FARP2: variants seen among roughly 807,000 people sequenced by gnomAD.
FARP2 encodes the protein FERM, ARH/RhoGEF and pleckstrin domain protein 2.
FARP2 carries 111 observed loss-of-function variants against 130.5 expected under a neutral mutation model. That is an observed-to-expected ratio of 0.85 (90% CI 0.73 to 1.00). The LOEUF is 1.00. Ranked by LOEUF, FARP2 falls within the 50% of genes least tolerant of loss-of-function variation. The pLI, the probability that FARP2 is intolerant of heterozygous loss-of-function variation, is 0.00. For missense variants in FARP2, 1,385 were observed against 1,346.3 expected, an observed-to-expected ratio of 1.03 and a Z score of -0.45; for synonymous variants, 504 against 516.9, an observed-to-expected ratio of 0.98 and a Z score of 0.34.
At position 241,397,223 on chromosome 2, in the gene FARP2, T is replaced by C. The variant is rs182881725; in HGVS notation, c.184-6605T>C. ...GGAGGAGGGATAGCATTAGGAGATA[T>C]ACCTAGTGCTAAATGACGAGTTGAT... On this transcript the variant is annotated intron_variant, in intron 2 of 26. Transcript: ENST00000264042. Among the ~76,000 whole-genome samples, 99 of 152,242 alleles carry C rather than the reference T, an allele frequency of 6.5e-4. No homozygotes were observed. The Middle Eastern group carries it at 0.014, about 21-fold the overall frequency.
intron 1 of FARP2, among the ~76,000 whole-genome samples, chr2:241,356,752 C>T (rs2061077567): frequency 6.6e-6 from 1 of 151,776 alleles, no homozygotes; most frequent in African/African-American, 2.4e-5. Context: ...CCGTGGAGGC[C>T]GGCAGGGCCG....
intron 21 of FARP2, chr2:241,489,752 T>G (rs1185731193): frequency 9.8e-6 from 5 of 510,462 alleles, no homozygotes; most frequent in Non-Finnish European, 1.8e-5. Flanking sequence ...GGGTGCCCTC[T>G]GGCCCATGGC....
chr2:241,429,940 T>C (rs1002258515), intron 8 of FARP2, among the ~76,000 whole-genome samples: 7 of 152,186 alleles, frequency 4.6e-5, no homozygotes, highest in African/African-American at 1.7e-4. Flanking sequence ...ACTAAGTATT[T>C]TGTGGAGCGA....
rs192338715 is a variant in FARP2, at chr2:241,407,012, G to A, written c.332-525G>A. On this transcript the variant is annotated intron_variant, in intron 4 of 26. Transcript: ENST00000264042. ...TTTAATAGAGACGGGGTTTCACTGT[G>A]TTGGCCAGGATGGTCTCGATCTCCT... Among the ~76,000 whole-genome samples, 605 of 151,494 alleles carry A rather than the reference G, an allele frequency of 4.0e-3. 14 individuals carry two copies. The South Asian group carries it at 0.042, about 10-fold the overall frequency.
chr2:241,457,122 A>T (rs1008633751), intron 14 of FARP2, among the ~76,000 whole-genome samples, 200 bp downstream of exon 14: 6 of 152,146 alleles, frequency 3.9e-5, no homozygotes, highest in African/African-American at 1.4e-4. Context: ...CTTTCCTCTT[A>T]TCTCTGGGAC....
Position 241,483,548 on chromosome 2 carries a change from C to A in FARP2, c.2331+15C>A, listed in dbSNP as rs752793433. 1 of 1,612,440 alleles carries A rather than the reference C, an allele frequency of 6.2e-7. No individual in the cohort carries two copies. Among genetic ancestry groups the A allele is most frequent in the Non-Finnish European group, 8.5e-7 (1 of 1,178,424 alleles). On this transcript the variant is annotated intron_variant, in intron 20 of 26. Transcript: ENST00000264042. ...TGTTTTTTCTGGTAGGTTCTCTCCC[C>A]ACTCAAGCTGTGCTTCCCCCCGAGG...
chr2:241,434,805 C>T (rs970648320), intron 10 of FARP2, among the ~76,000 whole-genome samples, 157 bp from the exon 11 acceptor site: 13 of 152,162 alleles, frequency 8.5e-5, no homozygotes, highest in Non-Finnish European at 1.8e-4. Flanking sequence ...CACTGCACTC[C>T]ACCCTGGGCA....
intron 2 of FARP2, among the ~76,000 whole-genome samples, chr2:241,389,653 A>C (rs1444282717): frequency 3.3e-5 from 5 of 152,252 alleles, no homozygotes; most frequent in African/African-American, 1.2e-4. Flanking sequence ...ACTTTCTTTG[A>C]ATAACAGTTG....
At chr2:241,398,214 T>C (rs903136160) in intron 2 of FARP2, among the ~76,000 whole-genome samples, 5 of 152,170 alleles carry the variant, frequency 3.3e-5, no homozygotes, top group Non-Finnish European at 7.3e-5. Flanking sequence ...CTTGATAATT[T>C]TTCATATGTA....
At chr2:241,366,445 C>T (rs1055266261) in intron 1 of FARP2, among the ~76,000 whole-genome samples, 8 of 151,520 alleles carry the variant, frequency 5.3e-5, no homozygotes, top group African/African-American at 1.9e-4. Context: ...ATAATACATC[C>T]GTTTAGTGTT....
At chr2:241,434,800 C>T (rs35614125) in intron 10 of FARP2, among the ~76,000 whole-genome samples, 162 bp from the exon 11 acceptor site, 28,857 of 152,134 alleles carry the variant, frequency 0.19, 3,084 homozygotes, top group Middle Eastern at 0.35. Flanking sequence ...CACGCCACTG[C>T]ACTCCACCCT....
chr2:241,429,642 C>A (rs148226743), intron 8 of FARP2, among the ~76,000 whole-genome samples: 2 of 152,200 alleles, frequency 1.3e-5, no homozygotes, highest in African/African-American at 2.4e-5. Context: ...ATAGTCCCAA[C>A]AGAGGCTGAA....
intron 8 of FARP2, among the ~76,000 whole-genome samples, chr2:241,430,506 G>A (rs938277716): frequency 6.6e-6 from 1 of 152,028 alleles, no homozygotes; most frequent in Non-Finnish European, 1.5e-5. Context: ...ATCTGTGTCT[G>A]TATCTGCTGA....
Position 241,432,511 on chromosome 2 carries a change from C to T in FARP2, c.867+737C>T, listed in dbSNP as rs960148661. On this transcript the variant is annotated intron_variant, in intron 9 of 26. Transcript: ENST00000264042. ...TCTGAAGCCCTACAGCAGCTGAGAG[C>T]TTCAGAATGAACTGAGGAGTATCCC... 2.0e-5 allele frequency among the ~76,000 whole-genome samples: 3 copies of T among 152,318 alleles called. No individual in the cohort carries two copies. The East Asian group carries it at 5.8e-4, about 29-fold the overall frequency.
intron 21 of FARP2, chr2:241,488,785 G>A (rs986426909): frequency 6.6e-6 from 1 of 152,100 alleles, no homozygotes; most frequent in Non-Finnish European, 1.5e-5. Flanking sequence ...ACTGATCTCA[G>A]ACTTTATCAA....
At chr2:241,490,940 C>A in intron 22 of FARP2, 121 bp from the exon 23 acceptor site, 1 of 760,294 alleles carries the variant, frequency 1.3e-6, no homozygotes, top group Non-Finnish European at 2.3e-6. Flanking sequence ...CCAGTCCTCT[C>A]ACCAGGCAGG....
intron 26 of FARP2, 104 bp downstream of exon 26, chr2:241,493,548 G>C: frequency 9.3e-7 from 1 of 1,075,868 alleles, no homozygotes; most frequent in South Asian, 1.4e-5. Context: ...GCCCTGGAAA[G>C]GAAGGGCTGA....
intron 8 of FARP2, 48 bp from the exon 9 acceptor site, chr2:241,431,631 G>A: frequency 2.2e-6 from 2 of 912,594 alleles, no homozygotes; most frequent in Non-Finnish European, 3.6e-6. Context: ...ATGAGAAAGG[G>A]GTTATGTGCC....
chr2:241,471,206 C>T (rs62190410), intron 18 of FARP2: 17,183 of 145,640 alleles, frequency 0.12, 1,237 homozygotes, highest in Non-Finnish European at 0.16. Flanking sequence ...CCTGTTATAA[C>T]GGGATACTGT....
Sources: gnomAD v4.1 joint callset for allele counts (sites outside exome capture counted in the v4.1 genomes callset) on GRCh38, gnomAD v4.1.1 for gene constraint, MANE v1.5 for transcripts, NCBI Gene and HGNC (gene_info 2026-07-23, HGNC 2026-07-21) for gene names.